Variants in EMILIN2 observed in about 807,000 individuals in gnomAD.
EMILIN2 encodes EMILIN-2.
A neutral mutation model predicts 87.1 loss-of-function variants in EMILIN2; 71 were observed. The ratio of observed to expected loss-of-function variants is 0.82; its 90% CI spans 0.67 to 0.99. The LOEUF is 0.99. Among genes scored for constraint, EMILIN2 ranks in the 50% least tolerant of loss-of-function variants. The pLI is 0.00. For synonymous variants in EMILIN2, 581 were observed against 563.4 expected, an observed-to-expected ratio of 1.03 and a Z score of -0.44; for missense variants, 1,407 against 1,371.8, an observed-to-expected ratio of 1.03 and a Z score of -0.40.
Position 2,896,477 on chromosome 18 carries a change from G to GAT in EMILIN2, c.2359+4002_2359+4003dup, listed in dbSNP as rs537840991. Among the ~76,000 whole-genome samples, 711 of 151,700 alleles carry GAT rather than the reference G, an allele frequency of 4.7e-3. 9 individuals carry two copies. Among genetic ancestry groups the GAT allele is most frequent in the African/African-American group, 0.017 (686 of 41,392 alleles). On this transcript the variant is annotated intron_variant, in intron 4 of 7. Transcript: ENST00000254528. ...AAGCATGAGACATTGCACCCGGTCA[G>GAT]ATATATATATATTTGAGACAGGATC...
chr18:2,873,471 G>T (rs1303000164), intron 2 of EMILIN2, among the ~76,000 whole-genome samples: 3 of 151,722 alleles, frequency 2.0e-5, no homozygotes, highest in Non-Finnish European at 4.4e-5. Flanking sequence ...ACTTTGGGAG[G>T]CCGAGGCGGG....
rs73375224 is a variant in EMILIN2 at position 2,908,845 on chromosome 18, G to T, written c.2663-98G>T. ...TCTGTTTCTATAGTAGTGAAGACTC[G>T]ATTTGAACTTGTGAGGAGCAGAGGA... On this transcript the variant is annotated intron_variant, in intron 5 of 7. Transcript: ENST00000254528. The T allele has an allele frequency of 1.3e-5, 18 of 1,431,408 alleles. 1 individual carries two copies. In the South Asian group the frequency reaches 1.4e-4, roughly 11 times the overall value. The allele number at this position is 1,431,408 out of a possible 1,614,324, so 88.7% of individuals were successfully genotyped here. A position where few individuals can be genotyped will look rare whatever the true frequency, so the allele number is the denominator to read the frequency against.
Position 2,885,047 on chromosome 18 carries a change from G to C in EMILIN2, c.341G>C (p.Arg114Thr). The C allele has an allele frequency of 1.2e-6, 2 of 1,613,874 alleles. No individual in the cohort carries two copies. Among genetic ancestry groups the C allele is most frequent in the Non-Finnish European group, 1.7e-6 (2 of 1,179,920 alleles). Residue 114 changes from arginine to threonine, a missense_variant, in exon 3 of 8, where the codon AGA (arginine) becomes ACA (threonine). Arg to Thr is a moderately conservative substitution (Grantham distance 71). Transcript: ENST00000254528. ...GAATGGAGGTGCTGTCCTGGCTTTAGAGGGGGAGATTGCCAAGAAGGTCCC... is the reference window on the plus strand; with the variant it reads ...GAATGGAGGTGCTGTCCTGGCTTTACAGGGGGAGATTGCCAAGAAGGTCCC... Reference protein sequence around the residue: ...QLEWRCCPGFRGGDCQEGPKD... With the variant: ...QLEWRCCPGFTGGDCQEGPKD...
rs988714257 is a variant in EMILIN2 at position 2,847,861 on chromosome 18, G to A, written c.187G>A (p.Gly63Arg). Residue 63 changes from glycine (G) to arginine (R), a missense_variant, in exon 2 of 8, where the codon GGA becomes AGA. Transcript: ENST00000254528. This position sits in a 1 kb window ranked among gnomAD's most constrained non-coding sequence, Gnocchi z 4.5. ...GAATGTGAGCTGCTCCGTGCTGGAG[G>A]GAAGTGAGAGTTTTATTCAGGCTCA... ...NKNVSCSVLE[G>R]SESFIQAQYN... is the part of the protein sequence containing the mutation. The A allele has an allele frequency of 3.7e-6, 6 of 1,613,698 alleles. No individual in the cohort carries two copies. In the Admixed American group the frequency reaches 1.0e-4, roughly 27 times the overall value.
At chr18:2,884,853 G>T in intron 2 of EMILIN2, 111 bp from the exon 3 acceptor site, 1 of 1,190,844 alleles carries the variant, frequency 8.4e-7, no homozygotes, top group Non-Finnish European at 1.2e-6. Context: ...GGGCCAGCCT[G>T]GAGAGCAGGC....
chr18:2,879,521 C>CATG, intron 2 of EMILIN2, among the ~76,000 whole-genome samples: 1 of 151,684 alleles, frequency 6.6e-6, no homozygotes, highest in East Asian at 2.0e-4. Flanking sequence ...ATTAGCCAGG[C>CATG]GTGGTGGCAC....
intron 4 of EMILIN2, among the ~76,000 whole-genome samples, chr18:2,902,570 C>T (rs754207787): frequency 5.9e-5 from 9 of 152,076 alleles, no homozygotes; most frequent in East Asian, 1.9e-4. Flanking sequence ...GGTAAAGGCA[C>T]GAAGCCAGGG....
Position 2,913,667 on chromosome 18 carries a change from A to AGG in EMILIN2, c.*263_*264insGG. The AGG allele has an allele frequency of 2.3e-6, 1 of 428,364 alleles. No homozygotes were observed. Among genetic ancestry groups the AGG allele is most frequent in the South Asian group, 2.9e-5 (1 of 34,556 alleles). 26.5% of individuals were successfully genotyped at this position (428,364 alleles called of 1,614,324 possible). On this transcript the variant is annotated 3_prime_UTR_variant, in exon 8 of 8. Coordinates refer to ENST00000254528, the MANE Select transcript of EMILIN2 (RefSeq NM_032048.3). ...AAGACTTGGAAAGGCCTCCACCTGT[A>AGG]TCTACACTCTGAGGGCCCTGGACTG...
At chr18:2,897,075 T>C (rs1032263892) in intron 4 of EMILIN2, among the ~76,000 whole-genome samples, 1 of 152,086 alleles carries the variant, frequency 6.6e-6, no homozygotes, top group South Asian at 2.1e-4. Context: ...CCCAGAATAG[T>C]GGTATGGCCA....
At position 2,892,129 on chromosome 18, in the gene EMILIN2, A is replaced by C. The variant is rs2076841291; in HGVS notation, c.2002A>C (p.Ser668Arg). ...CCAGCACCCCGTGGCTCATTGCTGC[A>C]GTCAGCTGGAGGAGAGGTGGCAGAG... Reference protein sequence around the residue: ...SPQHPVAHCCSQLEERWQRLQ... With the variant: ...SPQHPVAHCCRQLEERWQRLQ... Residue 668 changes from serine to arginine, a missense_variant, in exon 4 of 8, where the codon AGT becomes CGT. Coordinates refer to ENST00000254528, the MANE Select transcript of EMILIN2 (RefSeq NM_032048.3). 1.2e-6 allele frequency: 2 copies of C among 1,610,728 alleles called. No homozygotes were observed. The highest frequency in any genetic ancestry group is 1.3e-5 in the African/African-American group (1 of 74,816).
At chr18:2,889,573 C>G (rs1432382079) in intron 3 of EMILIN2, among the ~76,000 whole-genome samples, 2 of 151,992 alleles carry the variant, frequency 1.3e-5, no homozygotes, top group Non-Finnish European at 2.9e-5. Flanking sequence ...TCATCACTAT[C>G]ATTCCCCCCT....
rs1335544923 is a variant in EMILIN2 at position 2,878,094 on chromosome 18, G to C, written c.258-6870G>C. Among the ~76,000 whole-genome samples the C allele has an allele frequency of 3.3e-5, 5 of 152,258 alleles. 1 individual carries two copies. In the South Asian group the frequency reaches 1.0e-3, roughly 32 times the overall value. ...TAATGGGAACAGACTTTCAGTTTGG[G>C]AAGGTGAAACAGTTCTGGAGGTGGT... On this transcript the variant is annotated intron_variant, in intron 2 of 7. Coordinates refer to ENST00000254528, the MANE Select transcript of EMILIN2 (RefSeq NM_032048.3).
chr18:2,864,163 A>C (rs1469622083), intron 2 of EMILIN2, among the ~76,000 whole-genome samples: 1 of 151,644 alleles, frequency 6.6e-6, no homozygotes, highest in Non-Finnish European at 1.5e-5. Flanking sequence ...TTGGGTCTTG[A>C]CTCTTTATCC....
chr18:2,884,556 C>T (rs2076793878), intron 2 of EMILIN2, among the ~76,000 whole-genome samples: 1 of 152,228 alleles, frequency 6.6e-6, no homozygotes, highest in Non-Finnish European at 1.5e-5. Context: ...AGGAATATTT[C>T]TTTAAAACAC....
intron 2 of EMILIN2, among the ~76,000 whole-genome samples, chr18:2,882,951 G>A (rs1238691350): frequency 6.6e-6 from 1 of 152,036 alleles, no homozygotes; most frequent in African/African-American, 2.4e-5. Flanking sequence ...CGAGGTGGAG[G>A]ATCACTTGAG....
At chr18:2,878,458 C>G (rs2076760632) in intron 2 of EMILIN2, among the ~76,000 whole-genome samples, 2 of 151,688 alleles carry the variant, frequency 1.3e-5, no homozygotes. Flanking sequence ...CCACTGCACT[C>G]CAGCCTGGGC....
intron 2 of EMILIN2, among the ~76,000 whole-genome samples, chr18:2,878,839 G>T (rs1290976999): frequency 6.6e-6 from 1 of 152,202 alleles, no homozygotes; most frequent in Non-Finnish European, 1.5e-5. Flanking sequence ...CTGGCTCCAG[G>T]CCTCTGGGGG....
intron 2 of EMILIN2, among the ~76,000 whole-genome samples, chr18:2,878,170 T>TAAAA (rs2076759136): frequency 6.6e-6 from 1 of 152,136 alleles, no homozygotes; most frequent in South Asian, 2.1e-4. Flanking sequence ...ACCGCACAAT[T>TAAAA]GTATGCTTAA....
At chr18:2,857,039 G>A (rs1356303047) in intron 2 of EMILIN2, among the ~76,000 whole-genome samples, 1 of 152,162 alleles carries the variant, frequency 6.6e-6, no homozygotes, top group East Asian at 1.9e-4. Flanking sequence ...TGCTGTAAAA[G>A]CAAACGTTTC....
Sources: gnomAD v4.1 joint callset for allele counts (sites outside exome capture counted in the v4.1 genomes callset) on GRCh38, gnomAD v4.1.1 for gene constraint, Gnocchi (gnomAD v3.1) non-coding constraint, MANE v1.5 for transcripts, NCBI Gene and HGNC (gene_info 2026-07-23, HGNC 2026-07-21) for gene names.